FRAS1: variants seen among roughly 807,000 people sequenced by gnomAD.
FRAS1 encodes Fraser extracellular matrix complex subunit 1.
Under a neutral mutation model 435.2 loss-of-function variants are expected in FRAS1, and 290 were observed. That is an observed-to-expected ratio of 0.67 (90% confidence interval 0.61 to 0.73). The LOEUF (loss-of-function observed/expected upper bound fraction) is 0.73. FRAS1 is among the 30% of genes least tolerant of loss of function. The pLI, the probability that FRAS1 is intolerant of heterozygous loss-of-function variation, is 0.00. For missense variants in FRAS1, 4,860 were observed against 5,001.5 expected (o/e 0.97, Z 0.85); for synonymous variants, 1,800 against 1,851.0 (o/e 0.97, Z 0.71).
At chr4:78,338,675 C>G (rs1023744352) in intron 20 of FRAS1, among the ~76,000 whole-genome samples, 2 of 152,166 alleles carry the variant, frequency 1.3e-5, no homozygotes, top group Non-Finnish European at 2.9e-5. Context: ...GAGAGGTTGA[C>G]CAGGCTGTCA....
At chr4:78,235,232 G>A (rs1271925068) in intron 2 of FRAS1, among the ~76,000 whole-genome samples, 4 of 152,152 alleles carry the variant, frequency 2.6e-5, no homozygotes, top group East Asian at 1.9e-4. Flanking sequence ...CCTCCACAGC[G>A]ACATTGAGAC....
intron 59 of FRAS1, among the ~76,000 whole-genome samples, chr4:78,492,278 A>G (rs1720374056): frequency 1.3e-5 from 2 of 152,348 alleles, no homozygotes; most frequent in South Asian, 4.1e-4. Flanking sequence ...CATTCTTCAC[A>G]GAATTAGAAA....
chr4:78,485,057 A>G (rs1374712490), intron 58 of FRAS1, among the ~76,000 whole-genome samples: 4 of 152,218 alleles, frequency 2.6e-5, no homozygotes, highest in Admixed American at 6.5e-5. Context: ...AGTGAATACA[A>G]AGTTGAAGTC....
chr4:78,537,274 A>T, intron 72 of FRAS1, 74 bp downstream of exon 72: 1 of 1,347,398 alleles, frequency 7.4e-7, no homozygotes, highest in South Asian at 1.3e-5. Context: ...ACTTCTGCCT[A>T]AAGTAGATAG....
rs1335159379 is a variant in FRAS1 at position 78,413,700 on chromosome 4, G to A, written c.4425+615G>A. 2.6e-5 allele frequency among the ~76,000 whole-genome samples: 4 copies of A among 152,200 alleles called. No homozygotes were observed. In the East Asian group the frequency reaches 7.7e-4, roughly 29 times the overall value. ...AATTGCAAACAGTTCAACAAGACTGGAGAAATCAGGAAGGCAGCAAGGATG... is the reference window on the plus strand; with the variant it reads ...AATTGCAAACAGTTCAACAAGACTGAAGAAATCAGGAAGGCAGCAAGGATG... On this transcript the variant is annotated intron_variant, in intron 32 of 73. Coordinates refer to ENST00000512123, the MANE Select transcript of FRAS1 (RefSeq NM_025074.7).
In FRAS1 at chr4:78,543,902, T is replaced by C. The variant is rs1042100682; in HGVS notation, c.*2778T>C. 5.9e-5 allele frequency: 9 copies of C among 152,198 alleles called. No homozygotes were observed. Among genetic ancestry groups the C allele is most frequent in the African/African-American group, 2.2e-4 (9 of 41,290 alleles). 9.4% of individuals were successfully genotyped at this position (152,198 alleles called of 1,614,324 possible). A position where few individuals can be genotyped will look rare whatever the true frequency, so the allele number is the denominator to read the frequency against. The stretch of plus-strand genomic sequence containing the variant: ...AACTCTCAGTGGTTACTACTTGCTT[T>C]TATATGCTGGCTGTGAAGGTTAAAA... On this transcript the variant is annotated 3_prime_UTR_variant, in exon 74 of 74. Coordinates refer to ENST00000512123, the MANE Select transcript of FRAS1 (RefSeq NM_025074.7).
intron 2 of FRAS1, among the ~76,000 whole-genome samples, chr4:78,114,622 C>T (rs1369322823): frequency 1.3e-5 from 2 of 151,148 alleles, no homozygotes; most frequent in African/African-American, 2.4e-5. Flanking sequence ...TGATTTGGCT[C>T]TCTGTTTGTC....
intron 18 of FRAS1, among the ~76,000 whole-genome samples, chr4:78,321,804 A>G (rs1271944090): frequency 6.8e-6 from 1 of 146,278 alleles, no homozygotes; most frequent in Non-Finnish European, 1.5e-5. Context: ...AGATCACACC[A>G]TTGCTCTCCA....
chr4:78,237,665 G>T, intron 3 of FRAS1, 48 bp downstream of exon 3: 1 of 1,077,602 alleles, frequency 9.3e-7, no homozygotes, highest in South Asian at 2.0e-5. Context: ...AGTCAGTGAA[G>T]GGTCAGGTTT....
chr4:78,434,372 G>C (rs571349963), intron 38 of FRAS1, among the ~76,000 whole-genome samples: 3 of 152,138 alleles, frequency 2.0e-5, no homozygotes, highest in Non-Finnish European at 4.4e-5. Context: ...AAAATGGATG[G>C]ATCTTAATCC....
chr4:78,327,952 T>C (rs1358860526), intron 18 of FRAS1, among the ~76,000 whole-genome samples: 7 of 152,200 alleles, frequency 4.6e-5, no homozygotes, highest in Non-Finnish European at 8.8e-5. Flanking sequence ...TTTAAGAGGA[T>C]TGTCATCCAG....
At chr4:78,336,517 T>A (rs543330460) in intron 19 of FRAS1, among the ~76,000 whole-genome samples, 1 of 152,314 alleles carries the variant, frequency 6.6e-6, no homozygotes, top group Admixed American at 6.5e-5. Flanking sequence ...GAACTGGGTG[T>A]TGGAAATCAT....
At chr4:78,246,007 A>T (rs189211400) in intron 4 of FRAS1, among the ~76,000 whole-genome samples, 4 of 152,278 alleles carry the variant, frequency 2.6e-5, no homozygotes, top group African/African-American at 9.6e-5. Context: ...CCCTTTTGAG[A>T]ACTACAGGAC....
chr4:78,114,102 T>C (rs560957334), intron 2 of FRAS1, among the ~76,000 whole-genome samples: 3 of 152,354 alleles, frequency 2.0e-5, no homozygotes, highest in African/African-American at 7.2e-5. Flanking sequence ...TCCCCATTGC[T>C]TGTTTTTCTC....
intron 2 of FRAS1, among the ~76,000 whole-genome samples, chr4:78,140,656 C>T (rs1306206094): frequency 9.4e-5 from 14 of 149,382 alleles, no homozygotes; most frequent in South Asian, 8.4e-4. Flanking sequence ...TATGTATATA[C>T]GTATATACAT....
At chr4:78,093,662 G>C (rs1006834214) in intron 2 of FRAS1, among the ~76,000 whole-genome samples, 2 of 152,132 alleles carry the variant, frequency 1.3e-5, no homozygotes, top group African/African-American at 4.8e-5. Flanking sequence ...ACCATCTGCT[G>C]TAAGTAGAGG....
intron 6 of FRAS1, among the ~76,000 whole-genome samples, chr4:78,259,914 C>T (rs1325334462): frequency 6.6e-6 from 1 of 152,204 alleles, no homozygotes; most frequent in Non-Finnish European, 1.5e-5. Context: ...CCGATTTCAG[C>T]TTTCTACCTA....
At chr4:78,490,591 A>T (rs531036129) in intron 59 of FRAS1, among the ~76,000 whole-genome samples, 5 of 152,178 alleles carry the variant, frequency 3.3e-5, no homozygotes, top group Non-Finnish European at 7.4e-5. Flanking sequence ...GAAATAAATA[A>T]GTTCTTTGAA....
chr4:78,130,493 G>A (rs17002950), intron 2 of FRAS1, among the ~76,000 whole-genome samples: 9,230 of 152,118 alleles, frequency 0.061, 755 homozygotes, highest in African/African-American at 0.19. Context: ...CTTTTTAGGC[G>A]CCCTTGCCTC....
Sources: gnomAD v4.1 joint callset for allele counts (sites outside exome capture counted in the v4.1 genomes callset) on GRCh38, gnomAD v4.1.1 for gene constraint, MANE v1.5 for transcripts, NCBI Gene and HGNC (gene_info 2026-07-23, HGNC 2026-07-21) for gene names.